The following LRP1B variants were observed in gnomAD, a reference collection of about 807,000 sequenced individuals.
The protein encoded by LRP1B is LDL receptor related protein 1B, also known as low-density lipoprotein receptor-related protein 1B.
Under a neutral mutation model 556.6 loss-of-function variants are expected in LRP1B, and 217 were observed. The observed-to-expected ratio is 0.39, with a 90% CI of 0.35 to 0.44. The LOEUF is 0.44. Ranked by LOEUF, LRP1B falls within the 20% of genes least tolerant of loss-of-function variation. The pLI, the probability that LRP1B is intolerant of heterozygous loss-of-function variation, is 1.00. For synonymous variants in LRP1B, 2,047 were observed against 1,865.8 expected, an observed-to-expected ratio of 1.10 and a Z score of -2.50; for missense variants, 5,053 against 5,620.8, an observed-to-expected ratio of 0.90 and a Z score of 3.23.
At chr2:141,346,007 T>C (rs1315549066) in intron 3 of LRP1B, among the ~76,000 whole-genome samples, 1 of 152,104 alleles carries the variant, frequency 6.6e-6, no homozygotes, top group Non-Finnish European at 1.5e-5. Flanking sequence ...GGGCTCTTTT[T>C]TGTTTTCTAA....
chr2:140,894,839 A>T (rs945083806), intron 23 of LRP1B, among the ~76,000 whole-genome samples: 1 of 151,942 alleles, frequency 6.6e-6, no homozygotes. Flanking sequence ...GCTACTCAGG[A>T]GGCTGAAGGA....
Position 140,514,719 on chromosome 2 carries a change from T to C in LRP1B, c.8203A>G (p.Lys2735Glu), listed in dbSNP as rs1479870085. ...FACSAQKCISKHWICDGEDDC... is the reference protein window; with the variant it reads ...FACSAQKCISEHWICDGEDDC... ...TCTTCTCCATCACAAATCCAATGCT[T>C]AGAAATACATTTTTGTGCGGAACAA... is the stretch of plus-strand genomic sequence containing the variant. The change falls in exon 51 of 91, where the codon AAG becomes GAG. Residue 2735 changes from lysine to glutamate, a missense_variant. Lys to Glu is a moderately conservative substitution (Grantham distance 56, BLOSUM62 1). Coordinates refer to ENST00000389484, the MANE Select transcript of LRP1B (RefSeq NM_018557.3). The C allele has an allele frequency of 1.2e-6, 2 of 1,612,462 alleles. No individual in the cohort carries two copies. Among genetic ancestry groups the C allele is most frequent in the African/African-American group, 1.3e-5 (1 of 74,892 alleles).
intron 43 of LRP1B, among the ~76,000 whole-genome samples, chr2:140,546,291 G>A (rs1253494819): frequency 6.6e-6 from 1 of 151,988 alleles, no homozygotes; most frequent in African/African-American, 2.4e-5. Flanking sequence ...TTGCCTGATT[G>A]CTCTGCCCAG....
chr2:140,872,464 T>C (rs541769997), intron 25 of LRP1B, among the ~76,000 whole-genome samples: 93 of 149,938 alleles, frequency 6.2e-4, no homozygotes, highest in Non-Finnish European at 1.1e-3. Flanking sequence ...TAGAAATGTC[T>C]TTATTTATTT....
At chr2:140,929,397 A>C (rs1694982524) in intron 20 of LRP1B, among the ~76,000 whole-genome samples, 2 of 152,092 alleles carry the variant, frequency 1.3e-5, no homozygotes, top group East Asian at 3.9e-4. Flanking sequence ...GGAAAAAATT[A>C]AATGGAACAA....
chr2:141,371,607 T>A (rs1689233466), intron 3 of LRP1B, among the ~76,000 whole-genome samples: 1 of 152,144 alleles, frequency 6.6e-6, no homozygotes, highest in Non-Finnish European at 1.5e-5. Flanking sequence ...GTTATATATA[T>A]TACAAGGTAA....
At chr2:140,787,936 C>T (rs998359091) in intron 32 of LRP1B, among the ~76,000 whole-genome samples, 1 of 152,066 alleles carries the variant, frequency 6.6e-6, no homozygotes, top group Non-Finnish European at 1.5e-5. Flanking sequence ...ATCTTCCACT[C>T]ATACTCCAAA....
intron 20 of LRP1B, among the ~76,000 whole-genome samples, chr2:140,927,911 TA>T (rs1186414091): frequency 2.6e-5 from 4 of 151,754 alleles, no homozygotes; most frequent in African/African-American, 7.3e-5. Flanking sequence ...TTTATTTATT[TA>T]TTTTTTGTAT....
intron 3 of LRP1B, among the ~76,000 whole-genome samples, chr2:141,266,575 C>T (rs1684899903): frequency 6.6e-6 from 1 of 152,094 alleles, no homozygotes; most frequent in Non-Finnish European, 1.5e-5. Flanking sequence ...GAGAATTTCT[C>T]ATTTTGTGTT....
chr2:140,967,180 G>C (rs1386729173), intron 18 of LRP1B, among the ~76,000 whole-genome samples: 1 of 152,116 alleles, frequency 6.6e-6, no homozygotes, highest in Non-Finnish European at 1.5e-5. Flanking sequence ...CATGAGCATG[G>C]AATGTTCTTC....
rs776395595 is a variant in LRP1B at position 142,130,758 on chromosome 2, T to C, written c.-29A>G. 6.3e-6 allele frequency: 10 copies of C among 1,585,776 alleles called. No individual in the cohort carries two copies. The Admixed American group carries it at 1.5e-4, about 24-fold the overall frequency. On this transcript the variant is annotated 5_prime_UTR_variant, in exon 1 of 91. Coordinates refer to ENST00000389484, the MANE Select transcript of LRP1B (RefSeq NM_018557.3). ...GGTCGCCCGGTAAGGAAGCCTGCGC[T>C]GGAGACTGCTCGGCGGCACCTTCGG...
At chr2:141,278,442 C>T (rs529208296) in intron 3 of LRP1B, among the ~76,000 whole-genome samples, 1 of 152,212 alleles carries the variant, frequency 6.6e-6, no homozygotes, top group South Asian at 2.1e-4. Flanking sequence ...ACGTTAGAAA[C>T]CTGTTCACTT....
chr2:142,128,065 A>C (rs1707719075), intron 1 of LRP1B, among the ~76,000 whole-genome samples: 1 of 152,134 alleles, frequency 6.6e-6, no homozygotes, highest in Non-Finnish European at 1.5e-5. Context: ...ACATTAGTTT[A>C]GCTCTATATA....
chr2:141,990,920 C>T (rs1024886420), intron 1 of LRP1B, among the ~76,000 whole-genome samples: 81 of 152,090 alleles, frequency 5.3e-4, no homozygotes, highest in African/African-American at 1.9e-3. Flanking sequence ...CTAAGCCAGT[C>T]AATTAAGATC....
At chr2:141,460,500 G>A (rs558041797) in intron 3 of LRP1B, among the ~76,000 whole-genome samples, 38 of 152,222 alleles carry the variant, frequency 2.5e-4, no homozygotes, top group Middle Eastern at 3.4e-3. Flanking sequence ...AGGAGTTTAC[G>A]TTTCATTTTG....
intron 83 of LRP1B, among the ~76,000 whole-genome samples, chr2:140,306,435 T>A (rs1372960710): frequency 3.3e-5 from 5 of 152,152 alleles, no homozygotes; most frequent in African/African-American, 4.8e-5. Flanking sequence ...TCTAGTTTAT[T>A]TGCATAGAGG....
intron 20 of LRP1B, among the ~76,000 whole-genome samples, chr2:140,943,396 CA>C (rs1239213245): frequency 1.3e-5 from 2 of 151,952 alleles, no homozygotes; most frequent in East Asian, 3.8e-4. Flanking sequence ...TTCTGTTACT[CA>C]ATTAAATGCA....
chr2:141,895,644 A>T (rs1348622486), intron 1 of LRP1B, among the ~76,000 whole-genome samples: 1 of 152,204 alleles, frequency 6.6e-6, no homozygotes, highest in African/African-American at 2.4e-5. Flanking sequence ...TGAGGAAAAT[A>T]CAGAATGTAA....
At chr2:140,478,998 TTTATGTAAGTTA>T (rs1372646328) in intron 59 of LRP1B, among the ~76,000 whole-genome samples, 1 of 152,064 alleles carries the variant, frequency 6.6e-6, no homozygotes, top group African/African-American at 2.4e-5. Flanking sequence ...TTGCCTTGAT[TTTATGTAAGTTA>T]TTACATGATT....
Sources: allele counts gnomAD v4.1 joint callset (sites outside exome capture counted in the v4.1 genomes callset), GRCh38; gene constraint gnomAD v4.1.1; transcripts MANE v1.5; gene names NCBI Gene and HGNC (gene_info 2026-07-23, HGNC 2026-07-21).